ZFPM2: variants seen among roughly 807,000 people sequenced by gnomAD.
ZFPM2 encodes zinc finger protein, FOG family member 2.
A neutral mutation model predicts 98.6 loss-of-function variants in ZFPM2; 20 were observed. That is an observed-to-expected ratio of 0.20 (90% confidence interval 0.14 to 0.29). The LOEUF (loss-of-function observed/expected upper bound fraction) is 0.29, where lower values mean the gene tolerates loss of function less well. Among genes scored for constraint, ZFPM2 ranks in the 10% least tolerant of loss-of-function variants. ZFPM2 has a pLI of 1.00. For missense variants in ZFPM2, 1,310 were observed against 1,388.6 expected, an observed-to-expected ratio of 0.94 and a Z score of 0.90; for synonymous variants, 518 against 502.7, an observed-to-expected ratio of 1.03 and a Z score of -0.41.
chr8:105,444,839 T>G (rs1463344757), intron 3 of ZFPM2, among the ~76,000 whole-genome samples: 1 of 152,136 alleles, frequency 6.6e-6, no homozygotes, highest in Non-Finnish European at 1.5e-5. Flanking sequence ...AAGGTTTGAG[T>G]AACATTTTCA....
intron 2 of ZFPM2, among the ~76,000 whole-genome samples, chr8:105,423,574 A>G (rs1202141144): frequency 2.0e-5 from 3 of 152,230 alleles, no homozygotes; most frequent in Non-Finnish European, 2.9e-5. Flanking sequence ...ATAGATGATG[A>G]AGACATCAAG....
intron 1 of ZFPM2, among the ~76,000 whole-genome samples, chr8:105,355,262 A>G (rs1057149477): frequency 6.6e-6 from 1 of 152,192 alleles, no homozygotes; most frequent in African/African-American, 2.4e-5. Flanking sequence ...TTGACAAGCT[A>G]TTTTTATTCT....
chr8:105,649,425 C>G (rs142282250), intron 5 of ZFPM2, among the ~76,000 whole-genome samples: 72,302 of 151,814 alleles, frequency 0.48, 17,505 homozygotes, highest in African/African-American at 0.56. Flanking sequence ...TGTTGAATAG[C>G]AGTGGTGAGA....
At chr8:105,471,792 C>T (rs1812908557) in intron 3 of ZFPM2, among the ~76,000 whole-genome samples, 2 of 152,250 alleles carry the variant, frequency 1.3e-5, no homozygotes, top group South Asian at 4.1e-4. Context: ...CTTATTAGAG[C>T]ATAAGGTCTG....
rs866472855 is a variant in ZFPM2 at position 105,404,039 on chromosome 8, A to G, written c.41-15105A>G. On this transcript the variant is annotated intron_variant, in intron 1 of 7. Coordinates refer to ENST00000407775, the MANE Select transcript of ZFPM2 (RefSeq NM_012082.4). Reference sequence around the variant, plus strand: ...AACAACAACAACAACAACAACAACAACAACAGCAGCATAGATTTGGCCCTA... The same window carrying G: ...AACAACAACAACAACAACAACAACAGCAACAGCAGCATAGATTTGGCCCTA... 6.7e-3 allele frequency among the ~76,000 whole-genome samples: 951 copies of G among 141,214 alleles called. 7 individuals are homozygous for G. Among genetic ancestry groups the G allele is most frequent in the African/African-American group, 0.023 (890 of 38,434 alleles). The allele number at this position is 141,214 out of a possible 152,430, so 92.6% of individuals were successfully genotyped here.
At chr8:105,626,516 A>AT (rs1465121948) in intron 4 of ZFPM2, among the ~76,000 whole-genome samples, 3 of 151,966 alleles carry the variant, frequency 2.0e-5, no homozygotes, top group African/African-American at 7.3e-5. Context: ...GTACAGCACC[A>AT]TTTTTTCATT....
intron 1 of ZFPM2, among the ~76,000 whole-genome samples, chr8:105,361,832 A>G (rs1408758609): frequency 1.3e-5 from 2 of 151,232 alleles, no homozygotes; most frequent in African/African-American, 4.9e-5. Flanking sequence ...TTTTTACTGT[A>G]CCTTTTTTAT....
chr8:105,579,406 T>C (rs1312641195), intron 4 of ZFPM2, among the ~76,000 whole-genome samples: 5 of 152,172 alleles, frequency 3.3e-5, no homozygotes, highest in African/African-American at 1.2e-4. Context: ...TCCCTCCCTT[T>C]TTAGAGACAG....
At chr8:105,768,023 G>A (rs1812893780) in intron 5 of ZFPM2, among the ~76,000 whole-genome samples, 1 of 151,744 alleles carries the variant, frequency 6.6e-6, no homozygotes, top group Non-Finnish European at 1.5e-5. Context: ...AGTTAAATGT[G>A]CAATTGCATA....
chr8:105,671,796 C>T (rs1817603736), intron 5 of ZFPM2, among the ~76,000 whole-genome samples: 1 of 152,074 alleles, frequency 6.6e-6, no homozygotes, highest in Non-Finnish European at 1.5e-5. Flanking sequence ...AAGCATTTTA[C>T]AGTGCTATAG....
chr8:105,392,031 T>A (rs539584323), intron 1 of ZFPM2, among the ~76,000 whole-genome samples: 1 of 152,334 alleles, frequency 6.6e-6, no homozygotes, highest in East Asian at 1.9e-4. Context: ...ATGTATTCCT[T>A]AATAAGACTT....
chr8:105,712,370 C>A (rs1339648967), intron 5 of ZFPM2, among the ~76,000 whole-genome samples: 1 of 151,952 alleles, frequency 6.6e-6, no homozygotes, highest in Non-Finnish European at 1.5e-5. Flanking sequence ...AACAAATAAA[C>A]AAGTAATTAG....
In ZFPM2 at chr8:105,802,884, C is replaced by G. The variant is rs759054188; in HGVS notation, c.2802C>G (p.Ser934=). ...QPSPNGNLFS[S]HLATLQGLKV... Reference sequence around the variant, plus strand: ...CCCCCAATGGAAACTTATTTTCATCCCACCTAGCAACCCTGCAAGGCTTGA... The same window carrying G: ...CCCCCAATGGAAACTTATTTTCATCGCACCTAGCAACCCTGCAAGGCTTGA... The change falls in exon 8 of 8, where the codon TCC becomes TCG. Residue 934 remains serine (S), a synonymous_variant. Coordinates refer to ENST00000407775, the MANE Select transcript of ZFPM2 (RefSeq NM_012082.4). The G allele has an allele frequency of 4.3e-6, 7 of 1,613,702 alleles. No homozygotes were observed. Among genetic ancestry groups the G allele is most frequent in the Non-Finnish European group, 5.1e-6 (6 of 1,179,806 alleles).
At chr8:105,664,150 G>A (rs542325205) in intron 5 of ZFPM2, among the ~76,000 whole-genome samples, 39 of 152,172 alleles carry the variant, frequency 2.6e-4, no homozygotes, top group African/African-American at 5.3e-4. Flanking sequence ...AAACTGTATC[G>A]ATGACTTTTG....
chr8:105,802,281 G>A lies in ZFPM2; in HGVS notation c.2199G>A (p.Met733Ile). ...AAGTGCCTGCCATGCAGAGAACCAT[G>A]CGCACACGCAAGCGCAGAAAGATGT... ...SNKVPAMQRTMRTRKRRKMYE... is the reference protein window; with the variant it reads ...SNKVPAMQRTIRTRKRRKMYE... Residue 733 changes from methionine to isoleucine, a missense_variant, in exon 8 of 8, where the codon ATG becomes ATA. By Grantham distance (10) the Met-to-Ile change is conservative. Coordinates refer to ENST00000407775, the MANE Select transcript of ZFPM2 (RefSeq NM_012082.4). The A allele has an allele frequency of 6.2e-7, 1 of 1,613,832 alleles. No homozygotes were observed. The highest frequency in any genetic ancestry group is 8.5e-7 in the Non-Finnish European group (1 of 1,179,830).
At chr8:105,565,177 A>T (rs1246616590) in intron 4 of ZFPM2, among the ~76,000 whole-genome samples, 4 of 152,126 alleles carry the variant, frequency 2.6e-5, no homozygotes, top group Non-Finnish European at 5.9e-5. Flanking sequence ...CTTCAAGTAC[A>T]TTAGCAATAT....
At chr8:105,506,321 A>G (rs949534318) in intron 3 of ZFPM2, among the ~76,000 whole-genome samples, 1 of 152,218 alleles carries the variant, frequency 6.6e-6, no homozygotes, top group Non-Finnish European at 1.5e-5. Flanking sequence ...GTTTTCATCT[A>G]CATACACATG....
chr8:105,415,313 G>A (rs188621693), intron 1 of ZFPM2, among the ~76,000 whole-genome samples: 3 of 152,172 alleles, frequency 2.0e-5, no homozygotes, highest in Admixed American at 2.0e-4. Flanking sequence ...TTTAAATGAG[G>A]TAAATATTCA....
At chr8:105,370,908 G>C (rs1449991539) in intron 1 of ZFPM2, among the ~76,000 whole-genome samples, 1 of 152,192 alleles carries the variant, frequency 6.6e-6, no homozygotes, top group Non-Finnish European at 1.5e-5. Context: ...GTGTTGTGCT[G>C]TGTGTACACA....
Sources: gnomAD v4.1 joint callset for allele counts (sites outside exome capture counted in the v4.1 genomes callset) on GRCh38, gnomAD v4.1.1 for gene constraint, MANE v1.5 for transcripts, NCBI Gene and HGNC (gene_info 2026-07-23, HGNC 2026-07-21) for gene names.